Variants in SLC1A2 observed in about 807,000 individuals in gnomAD.
The protein encoded by SLC1A2 is excitatory amino acid transporter 2.
Under a neutral mutation model 48.8 loss-of-function variants are expected in SLC1A2, and 15 were observed. The observed-to-expected ratio is 0.31, with a 90% CI of 0.21 to 0.47. The LOEUF (loss-of-function observed/expected upper bound fraction) is 0.47. SLC1A2 is among the 20% of genes least tolerant of loss of function. SLC1A2 has a pLI of 0.99. For synonymous variants in SLC1A2, 279 were observed against 272.6 expected (o/e 1.02, Z -0.23); for missense variants, 502 against 730.5 (o/e 0.69, Z 3.61).
intron 1 of SLC1A2, among the ~76,000 whole-genome samples, chr11:35,350,017 T>G (rs543240898): frequency 9.2e-5 from 14 of 152,282 alleles, no homozygotes; most frequent in African/African-American, 3.4e-4. Flanking sequence ...AGTTTCTTCA[T>G]GTCTCTGAGC....
intron 5 of SLC1A2, among the ~76,000 whole-genome samples, chr11:35,303,896 G>GA (rs1851426240): frequency 6.6e-6 from 1 of 152,088 alleles, no homozygotes; most frequent in Non-Finnish European, 1.5e-5. Context: ...CCAAAAAACA[G>GA]AAAGACAGCA....
chr11:35,265,703 C>G lies in SLC1A2; in HGVS notation c.1477G>C (p.Val493Leu). 6.2e-7 allele frequency: 1 copy of G among 1,614,110 alleles called. No individual in the cohort carries two copies. Among genetic ancestry groups the G allele is most frequent in the South Asian group, 1.1e-5 (1 of 91,082 alleles). The change falls in exon 10 of 11, where the codon GTC (valine) becomes CTC (leucine). Residue 493 changes from valine to leucine, a missense_variant. Transcript: ENST00000278379. Reference sequence around the variant, plus strand: ...AGCTCAGACTTGGAGAGGTGATAGACTATCCCAGCCCCAAAAGAGTCACCC... The same window carrying G: ...AGCTCAGACTTGGAGAGGTGATAGAGTATCCCAGCCCCAAAAGAGTCACCC... ...VVGDSFGAGIVYHLSKSELDT... is the reference protein window; with the variant it reads ...VVGDSFGAGILYHLSKSELDT...
At chr11:35,327,105 A>G (rs1180962976) in intron 1 of SLC1A2, among the ~76,000 whole-genome samples, 1 of 152,170 alleles carries the variant, frequency 6.6e-6, no homozygotes, top group Non-Finnish European at 1.5e-5. Context: ...AGGCCTCCAC[A>G]GCGTTTCTTG....
intron 1 of SLC1A2, among the ~76,000 whole-genome samples, chr11:35,356,317 T>G (rs1247820522): frequency 1.3e-5 from 2 of 152,214 alleles, no homozygotes; most frequent in African/African-American, 2.4e-5. Context: ...GGTGTGTGTT[T>G]GTTCTATAAA....
chr11:35,292,454 C>G lies in SLC1A2; in HGVS notation c.924G>C (p.Val308=). 2 of 1,613,812 alleles carry G rather than the reference C, an allele frequency of 1.2e-6. No individual in the cohort carries two copies. The highest frequency in any genetic ancestry group is 4.5e-5 in the East Asian group (2 of 44,892). The change falls in exon 7 of 11, where the codon GTG becomes GTC. Residue 308 remains valine (V), a synonymous_variant. Transcript: ENST00000278379. ...TGTACATCCCCAGTTGCCTAGCAACCACTTCTAAGTCCTTGATTGCAATGA... is the reference window on the plus strand; with the variant it reads ...TGTACATCCCCAGTTGCCTAGCAACGACTTCTAAGTCCTTGATTGCAATGA... ...GKIIAIKDLE[V]VARQLGMYMV...
chr11:35,366,899 G>A (rs1268965642), intron 1 of SLC1A2, among the ~76,000 whole-genome samples: 2 of 152,218 alleles, frequency 1.3e-5, no homozygotes, highest in African/African-American at 4.8e-5. Context: ...TGCAACCAAT[G>A]TGTAACAGAC....
At position 35,259,883 on chromosome 11, in the gene SLC1A2, C is replaced by T. The variant is rs2134583457; in HGVS notation, c.*1011G>A. 1 of 152,304 alleles carries T rather than the reference C, an allele frequency of 6.6e-6. No homozygotes were observed. Among genetic ancestry groups the T allele is most frequent in the East Asian group, 1.9e-4 (1 of 5,196 alleles). The allele number at this position is 152,304 out of a possible 1,614,324, so 9.4% of individuals were successfully genotyped here. Reference sequence around the variant, plus strand: ...AGGCACAGCCAACACAAGTGTCTTCCATGTGTGAGGACAGTAAAATGACCA... The same window carrying T: ...AGGCACAGCCAACACAAGTGTCTTCTATGTGTGAGGACAGTAAAATGACCA... On this transcript the variant is annotated 3_prime_UTR_variant, in exon 11 of 11. Transcript: ENST00000278379.
chr11:35,403,827 C>A (rs1743324007), intron 1 of SLC1A2, among the ~76,000 whole-genome samples: 1 of 54,626 alleles, frequency 1.8e-5, no homozygotes, highest in Non-Finnish European at 4.2e-5. Context: ...ATTTAATGCC[C>A]CCTAACCAGA....
chr11:35,408,013 C>A (rs111251979), intron 1 of SLC1A2, among the ~76,000 whole-genome samples: 42 of 152,318 alleles, frequency 2.8e-4, no homozygotes, highest in Middle Eastern at 3.4e-3. Context: ...AAATGCTAAG[C>A]CAGTATGCTG....
chr11:35,293,071 C>A (rs1851063596), intron 6 of SLC1A2, among the ~76,000 whole-genome samples: 2 of 152,152 alleles, frequency 1.3e-5, no homozygotes. Context: ...ACTTCTAAGT[C>A]TGAAAGTCTT....
intron 1 of SLC1A2, among the ~76,000 whole-genome samples, chr11:35,317,811 T>C (rs1247421939): frequency 6.6e-6 from 1 of 152,198 alleles, no homozygotes; most frequent in East Asian, 1.9e-4. Context: ...GAGCCTTTAC[T>C]TGAGTCTTGA....
At chr11:35,321,311 G>A (rs1852059279) in intron 1 of SLC1A2, among the ~76,000 whole-genome samples, 1 of 152,158 alleles carries the variant, frequency 6.6e-6, no homozygotes, top group African/African-American at 2.4e-5. Context: ...CATCAAGGGT[G>A]GAGGAGAAGG....
At chr11:35,280,128 CT>C (rs1426407042) in intron 9 of SLC1A2, among the ~76,000 whole-genome samples, 4 of 152,184 alleles carry the variant, frequency 2.6e-5, no homozygotes, top group African/African-American at 9.7e-5. Flanking sequence ...CTCTATCCCC[CT>C]ATACCTGGCC....
intron 1 of SLC1A2, among the ~76,000 whole-genome samples, chr11:35,339,794 T>C (rs1432284674): frequency 3.9e-5 from 6 of 152,144 alleles, no homozygotes. Context: ...GATCACAGAA[T>C]ATTGCTGAGA....
At chr11:35,374,638 A>T (rs535779231) in intron 1 of SLC1A2, among the ~76,000 whole-genome samples, 1 of 152,340 alleles carries the variant, frequency 6.6e-6, no homozygotes, top group East Asian at 1.9e-4. Flanking sequence ...TAAGCAAAAA[A>T]GTCCTCTCAT....
intron 2 of SLC1A2, 45 bp from the exon 3 acceptor site, chr11:35,315,220 TC>T: frequency 6.8e-7 from 1 of 1,477,262 alleles, no homozygotes; most frequent in South Asian, 1.2e-5. Context: ...TTTGCCTTCG[TC>T]AAATGACTTA....
intron 1 of SLC1A2, among the ~76,000 whole-genome samples, chr11:35,358,579 A>G (rs1051651365): frequency 2.0e-5 from 3 of 152,216 alleles, no homozygotes. Flanking sequence ...GACTTTCTCA[A>G]TGTTTTCTGG....
intron 3 of SLC1A2, among the ~76,000 whole-genome samples, chr11:35,313,850 C>T (rs368597249): frequency 5.3e-5 from 8 of 152,162 alleles, no homozygotes; most frequent in Non-Finnish European, 1.0e-4. Flanking sequence ...CACTGGTCAA[C>T]CAGCTGAAGC....
intron 8 of SLC1A2, among the ~76,000 whole-genome samples, chr11:35,284,112 A>ATATATATATATATATAT (rs1355573961): frequency 6.9e-4 from 63 of 91,366 alleles, no homozygotes; most frequent in Middle Eastern, 5.6e-3. Flanking sequence ...TATATATATA[A>ATATATATATATATATAT]ATTATTATTT....
Sources: gnomAD v4.1 joint callset for allele counts (sites outside exome capture counted in the v4.1 genomes callset) on GRCh38, gnomAD v4.1.1 for gene constraint, MANE v1.5 for transcripts, NCBI Gene and HGNC (gene_info 2026-07-23, HGNC 2026-07-21) for gene names.